Variants in SPTLC2 observed in about 807,000 individuals in gnomAD.
SPTLC2 encodes serine palmitoyltransferase 2.
A neutral mutation model predicts 62.0 loss-of-function variants in SPTLC2; 21 were observed. The ratio of observed to expected loss-of-function variants is 0.34; its 90% CI spans 0.24 to 0.49. The LOEUF (loss-of-function observed/expected upper bound fraction) is 0.49. SPTLC2 is among the 20% of genes least tolerant of loss of function. SPTLC2 has a pLI of 0.99. For missense variants in SPTLC2, 511 were observed against 713.0 expected, an observed-to-expected ratio of 0.72 and a Z score of 3.23; for synonymous variants, 261 against 261.8, an observed-to-expected ratio of 1.00 and a Z score of 0.03.
At chr14:77,539,633 G>A (rs1396937959) in intron 9 of SPTLC2, among the ~76,000 whole-genome samples, 1 of 151,438 alleles carries the variant, frequency 6.6e-6, no homozygotes, top group Admixed American at 6.6e-5. Flanking sequence ...GGGATTACAG[G>A]TGCCTGCCAC....
chr14:77,598,984 A>C (rs1193262468), intron 1 of SPTLC2, among the ~76,000 whole-genome samples: 4 of 152,116 alleles, frequency 2.6e-5, no homozygotes, highest in Admixed American at 1.3e-4. Context: ...AACCCAAAAC[A>C]AGGGGAAAAA....
In SPTLC2 at chr14:77,507,608, A is replaced by G. The variant is rs2079311878; in HGVS notation, c.*4676T>C. 2 of 40,408 alleles carry G rather than the reference A, an allele frequency of 4.9e-5. No homozygotes were observed. The highest frequency in any genetic ancestry group is 8.2e-5 in the African/African-American group (2 of 24,450). The allele number at this position is 40,408 out of a possible 1,614,324, so 2.5% of individuals were successfully genotyped here. On this transcript the variant is annotated 3_prime_UTR_variant, in exon 12 of 12. Coordinates refer to ENST00000216484, the MANE Select transcript of SPTLC2 (RefSeq NM_004863.4). ...CAGCCTCCCAAAGTGTTGGGATTAC[A>G]GGTGAGCCACTGCGCCCAGCCATGG...
intron 2 of SPTLC2, among the ~76,000 whole-genome samples, chr14:77,596,510 T>TAAACAAAC (rs35256162): frequency 8.2e-4 from 124 of 150,988 alleles, no homozygotes; most frequent in African/African-American, 2.4e-3. Flanking sequence ...TCTCAAAAAA[T>TAAACAAAC]AAACAAACAA....
chr14:77,525,681 C>T (rs889316659), intron 9 of SPTLC2, among the ~76,000 whole-genome samples: 6 of 152,138 alleles, frequency 3.9e-5, no homozygotes, highest in Admixed American at 6.6e-5. Flanking sequence ...GAGGCTGAAG[C>T]GGGCGGATCA....
rs376311046 is a variant in SPTLC2, at chr14:77,552,085, G to A, written c.1303+11C>T. The A allele has an allele frequency of 3.7e-6, 6 of 1,613,802 alleles. No individual in the cohort carries two copies. In the African/African-American group the frequency reaches 6.7e-5, roughly 18 times the overall value. On this transcript the variant is annotated intron_variant, in intron 9 of 11. Transcript: ENST00000216484. ...GGACTTATGCAATGTTTCAAGAAAA[G>A]AAAGACTTACCAAGGCTGGTGCCAT... is the stretch of plus-strand genomic sequence containing the variant.
intron 2 of SPTLC2, among the ~76,000 whole-genome samples, chr14:77,583,736 C>T (rs1432808361): frequency 6.6e-6 from 1 of 152,146 alleles, no homozygotes; most frequent in Non-Finnish European, 1.5e-5. Context: ...GTAAGAACAA[C>T]CTCTACACTC....
intron 9 of SPTLC2, among the ~76,000 whole-genome samples, chr14:77,531,265 C>G (rs2079437063): frequency 6.6e-6 from 1 of 152,178 alleles, no homozygotes; most frequent in African/African-American, 2.4e-5. Flanking sequence ...TCACTGGCCT[C>G]TGGGCTGTGC....
intron 8 of SPTLC2, among the ~76,000 whole-genome samples, chr14:77,552,621 C>T (rs1458772232): frequency 6.6e-6 from 1 of 152,000 alleles, no homozygotes; most frequent in Non-Finnish European, 1.5e-5. Context: ...GCCTGACCAA[C>T]ATGGTGAAAC....
At chr14:77,529,620 C>CTTTTTTTTTTTTTTTTTTTTTTTTTTTT (rs71452856) in intron 9 of SPTLC2, among the ~76,000 whole-genome samples, 5 of 76,046 alleles carry the variant, frequency 6.6e-5, no homozygotes, top group East Asian at 7.3e-4. Flanking sequence ...TTCTTTCTTT[C>CTTTTTTTTTTTTTTTTTTTTTTTTTTTT]TTTTTTTTTT....
At chr14:77,564,267 A>G in intron 5 of SPTLC2, among the ~76,000 whole-genome samples, 1 of 138,874 alleles carries the variant, frequency 7.2e-6, no homozygotes, top group Admixed American at 7.4e-5. Context: ...GAGGAGGAGG[A>G]AGAGGAGGAA....
At chr14:77,542,166 G>GA (rs1182587550) in intron 9 of SPTLC2, among the ~76,000 whole-genome samples, 2 of 149,958 alleles carry the variant, frequency 1.3e-5, no homozygotes, top group African/African-American at 4.9e-5. Context: ...AGCATGTAAA[G>GA]AAAAAAAAAG....
chr14:77,569,748 A>G (rs1285447681), intron 5 of SPTLC2, among the ~76,000 whole-genome samples: 1 of 128,324 alleles, frequency 7.8e-6, no homozygotes, highest in Non-Finnish European at 1.7e-5. Context: ...CACACTACCC[A>G]CTTGGGGATA....
At chr14:77,543,379 CAA>C (rs138103550) in intron 9 of SPTLC2, among the ~76,000 whole-genome samples, 3,265 of 152,130 alleles carry the variant, frequency 0.021, 97 homozygotes, top group African/African-American at 0.074. Context: ...TACTCTGAGA[CAA>C]AGAGATAAGG....
At chr14:77,531,444 C>CTTCTTCTTCTTTTCT (rs201023535) in intron 9 of SPTLC2, among the ~76,000 whole-genome samples, 1 of 130,122 alleles carries the variant, frequency 7.7e-6, no homozygotes, top group African/African-American at 3.5e-5. Context: ...TCTTCTTCTT[C>CTTCTTCTTCTTTTCT]TCCTCCTTCT....
At chr14:77,587,646 AAT>A (rs2079789400) in intron 2 of SPTLC2, among the ~76,000 whole-genome samples, 3 of 151,956 alleles carry the variant, frequency 2.0e-5, no homozygotes, top group Admixed American at 2.0e-4. Context: ...AGGCACCTGT[AAT>A]CCCAGCTACT....
chr14:77,604,531 T>G (rs1359204747), intron 1 of SPTLC2, among the ~76,000 whole-genome samples: 1 of 152,188 alleles, frequency 6.6e-6, no homozygotes, highest in Non-Finnish European at 1.5e-5. Context: ...ATTTATCATG[T>G]TAGCAGAGCC....
At chr14:77,557,784 G>T (rs2079592823) in intron 6 of SPTLC2, among the ~76,000 whole-genome samples, 1 of 152,082 alleles carries the variant, frequency 6.6e-6, no homozygotes, top group Admixed American at 6.6e-5. Context: ...TTCATCAGTT[G>T]TCCATAAACA....
At chr14:77,519,193 C>A (rs903488520) in intron 10 of SPTLC2, among the ~76,000 whole-genome samples, 2 of 152,086 alleles carry the variant, frequency 1.3e-5, no homozygotes, top group African/African-American at 4.8e-5. Flanking sequence ...GTGTGCACCA[C>A]CACACCCAGA....
intron 4 of SPTLC2, among the ~76,000 whole-genome samples, chr14:77,572,740 C>T (rs989291978): frequency 6.6e-6 from 1 of 152,224 alleles, no homozygotes; most frequent in Non-Finnish European, 1.5e-5. Flanking sequence ...TATCAGCATT[C>T]ACTGCTTCAC....
Sources: gnomAD v4.1 joint callset for allele counts (sites outside exome capture counted in the v4.1 genomes callset) on GRCh38, gnomAD v4.1.1 for gene constraint, MANE v1.5 for transcripts, NCBI Gene and HGNC (gene_info 2026-07-23, HGNC 2026-07-21) for gene names.